COPG2: variants seen among roughly 807,000 people sequenced by gnomAD.
The protein encoded by COPG2 is coat protein complex I subunit gamma 2.
Under a neutral mutation model 46.3 loss-of-function variants are expected in COPG2, and 37 were observed. The observed-to-expected ratio is 0.80, with a 90% CI of 0.61 to 1.05. The LOEUF (loss-of-function observed/expected upper bound fraction) is 1.05, where lower values mean the gene tolerates loss of function less well. Among genes scored for constraint, COPG2 ranks in the 50% least tolerant of loss-of-function variants. COPG2 has a pLI of 0.00. For synonymous variants in COPG2, 159 were observed against 129.7 expected, an observed-to-expected ratio of 1.23 and a Z score of -1.53; for missense variants, 427 against 387.8, an observed-to-expected ratio of 1.10 and a Z score of -0.85.
At chr7:130,600,209 TA>T (rs372066726) in intron 9 of COPG2, among the ~76,000 whole-genome samples, 130 of 152,332 alleles carry the variant, frequency 8.5e-4, no homozygotes, top group African/African-American at 3.0e-3. Context: ...ATTCCTGTTA[TA>T]TTTTTTTAGA....
chr7:130,583,843 A>T (rs1355121548), intron 9 of COPG2, among the ~76,000 whole-genome samples: 2 of 143,452 alleles, frequency 1.4e-5, no homozygotes, highest in Admixed American at 7.0e-5. Context: ...AAAGTCCAGG[A>T]CCAGACTTTT....
chr7:130,542,550 G>GA (rs1388231385), intron 20 of COPG2, among the ~76,000 whole-genome samples: 1 of 152,068 alleles, frequency 6.6e-6, no homozygotes, highest in Non-Finnish European at 1.5e-5. Context: ...GTTCAGGACA[G>GA]ATTCCTGAGT....
chr7:130,614,562 G>T (rs1342213473), intron 6 of COPG2, among the ~76,000 whole-genome samples: 10 of 152,136 alleles, frequency 6.6e-5, no homozygotes, highest in Admixed American at 1.3e-4. Context: ...CATACTACAT[G>T]ATCTCATCCC....
intron 9 of COPG2, among the ~76,000 whole-genome samples, chr7:130,595,771 G>A (rs999192409): frequency 7.2e-4 from 110 of 151,762 alleles, no homozygotes; most frequent in African/African-American, 2.3e-3. Flanking sequence ...TCTGGACACC[G>A]GCTGGCGCTG....
At chr7:130,517,650 AG>A (rs1318995051) in intron 20 of COPG2, among the ~76,000 whole-genome samples, 1 of 152,246 alleles carries the variant, frequency 6.6e-6, no homozygotes, top group Non-Finnish European at 1.5e-5. Context: ...GAGGACTGGT[AG>A]GGAATCATGA....
chr7:130,601,827 AAAGGAAGGAAGGAAGGAGGG>A (rs1420735117), intron 9 of COPG2, among the ~76,000 whole-genome samples: 1 of 151,972 alleles, frequency 6.6e-6, no homozygotes, highest in Non-Finnish European at 1.5e-5. Context: ...TATAATAAAA[AAAGGAAGGAAGGAAGGAGGG>A]AAGGAAGGAA....
intron 9 of COPG2, chr7:130,605,228 C>G (rs782734453): frequency 7.7e-6 from 4 of 520,168 alleles, no homozygotes; most frequent in East Asian, 5.4e-5. Flanking sequence ...ACTCTCTCAT[C>G]AGCCATCTCT....
chr7:130,542,522 G>A (rs1352842228), intron 20 of COPG2, among the ~76,000 whole-genome samples: 1 of 152,116 alleles, frequency 6.6e-6, no homozygotes, highest in East Asian at 1.9e-4. Context: ...GTGGGGGGCA[G>A]GGCAGGAAGG....
intron 20 of COPG2, chr7:130,509,426 C>T (rs1799560088): frequency 2.5e-6 from 1 of 403,110 alleles, no homozygotes. Flanking sequence ...AGGATCTTGT[C>T]TATGGTCTGG....
chr7:130,608,790 T>C (rs1465058984), intron 9 of COPG2, among the ~76,000 whole-genome samples: 2 of 152,168 alleles, frequency 1.3e-5, no homozygotes, highest in Non-Finnish European at 2.9e-5. Flanking sequence ...TTGTAATATA[T>C]ATGACTAGGT....
intron 4 of COPG2, among the ~76,000 whole-genome samples, chr7:130,662,069 C>G (rs974919991): frequency 6.6e-5 from 10 of 152,142 alleles, no homozygotes; most frequent in African/African-American, 2.4e-4. Context: ...TCTGATGAAG[C>G]CAAGTACCCC....
At chr7:130,665,310 T>C (rs1483438531) in intron 3 of COPG2, among the ~76,000 whole-genome samples, 1 of 152,188 alleles carries the variant, frequency 6.6e-6, no homozygotes, top group Non-Finnish European at 1.5e-5. Context: ...AGAATTCAAA[T>C]TGGAAACCAT....
intron 9 of COPG2, among the ~76,000 whole-genome samples, chr7:130,609,567 T>C (rs2116499743): frequency 6.6e-6 from 1 of 152,354 alleles, no homozygotes; most frequent in South Asian, 2.1e-4. Flanking sequence ...GACTAACATA[T>C]CCATTATCTC....
At chr7:130,551,870 A>G (rs1054200369) in intron 15 of COPG2, among the ~76,000 whole-genome samples, 1 of 152,260 alleles carries the variant, frequency 6.6e-6, no homozygotes, top group South Asian at 2.1e-4. Context: ...TCATGAAGAC[A>G]ATGAAAAACT....
chr7:130,516,708 G>C (rs1187032028), intron 20 of COPG2, among the ~76,000 whole-genome samples: 1 of 152,188 alleles, frequency 6.6e-6, no homozygotes, highest in African/African-American at 2.4e-5. Flanking sequence ...GAATTTGTCA[G>C]AGTTGTGTAT....
chr7:130,575,454 A>G (rs191222331), intron 9 of COPG2, among the ~76,000 whole-genome samples: 8 of 152,300 alleles, frequency 5.3e-5, no homozygotes, highest in African/African-American at 1.9e-4. Flanking sequence ...AGCGAAACTA[A>G]GCATCATATA....
chr7:130,624,245 G>A (rs1355395186), intron 5 of COPG2, among the ~76,000 whole-genome samples: 1 of 151,980 alleles, frequency 6.6e-6, no homozygotes, highest in Admixed American at 6.6e-5. Flanking sequence ...TACATACTTG[G>A]GGGGACACAA....
chr7:130,550,550 A>G lies in COPG2; in HGVS notation c.1748T>C (p.Met583Thr), dbSNP rs1367715333. 1 of 398,264 alleles carries G rather than the reference A, an allele frequency of 2.5e-6. No homozygotes were observed. The highest frequency in any genetic ancestry group is 4.4e-6 in the Non-Finnish European group (1 of 225,950). The allele number at this position is 398,264 out of a possible 1,614,324, so 24.7% of individuals were successfully genotyped here. A position where few individuals can be genotyped will look rare whatever the true frequency, so the allele number is the denominator to read the frequency against. ...PFDMKSIPLA[M>T]APVFEQKAEI... ...TGCTTTCTGTTCAAAGACAGGAGCC[A>G]TAGCAAGAGGAATTGATTTCATGTC... Residue 583 changes from methionine (M) to threonine (T), a missense_variant, in exon 17 of 24, where the codon ATG (methionine) becomes ACG (threonine). Transcript: ENST00000425248.
intron 20 of COPG2, among the ~76,000 whole-genome samples, chr7:130,521,403 AAAG>A (rs1482340507): frequency 6.6e-6 from 1 of 152,202 alleles, no homozygotes; most frequent in Non-Finnish European, 1.5e-5. Context: ...AGTATGCTGG[AAAG>A]AAGAAATACC....
Sources: allele counts gnomAD v4.1 joint callset (sites outside exome capture counted in the v4.1 genomes callset), GRCh38; gene constraint gnomAD v4.1.1; transcripts MANE v1.5; gene names NCBI Gene and HGNC (gene_info 2026-07-23, HGNC 2026-07-21).